Variants in CHST8 observed in about 807,000 individuals in gnomAD.
The protein encoded by CHST8 is GALNAC-4-ST1.
Under a neutral mutation model 15.0 loss-of-function variants are expected in CHST8, and 10 were observed. That is an observed-to-expected ratio of 0.67 (90% CI 0.41 to 1.13). The LOEUF (loss-of-function observed/expected upper bound fraction) is 1.13, where lower values mean the gene tolerates loss of function less well. Ranked by LOEUF, CHST8 falls within the 50% of genes most tolerant of loss-of-function variation. The pLI is 0.00. For missense variants in CHST8, 634 were observed against 608.2 expected, an observed-to-expected ratio of 1.04 and a Z score of -0.45; for synonymous variants, 259 against 256.6, an observed-to-expected ratio of 1.01 and a Z score of -0.09.
At chr19:33,648,902 CT>C (rs376386370) in intron 1 of CHST8, among the ~76,000 whole-genome samples, 9,444 of 99,550 alleles carry the variant, frequency 0.095, 271 homozygotes, top group East Asian at 0.21. Flanking sequence ...GAATGAAGCA[CT>C]TTTTTTTTTT....
At chr19:33,729,656 A>G (rs141242056) in intron 3 of CHST8, among the ~76,000 whole-genome samples, 2 of 152,370 alleles carry the variant, frequency 1.3e-5, no homozygotes, top group East Asian at 3.9e-4. Context: ...TGGCCAAAGC[A>G]TACAGCAAGT....
intron 3 of CHST8, among the ~76,000 whole-genome samples, chr19:33,747,642 A>T (rs1247620676): frequency 1.3e-5 from 2 of 152,146 alleles, no homozygotes; most frequent in Non-Finnish European, 2.9e-5. Context: ...CCCCGGCAGG[A>T]GCAGGAGAGG....
At chr19:33,771,477 C>T (rs1974981914) in intron 4 of CHST8, 27 bp downstream of exon 4, 1 of 1,611,318 alleles carries the variant, frequency 6.2e-7, no homozygotes. Flanking sequence ...AGATAAATCT[C>T]AGTGCACACA....
intron 1 of CHST8, among the ~76,000 whole-genome samples, chr19:33,652,195 C>T (rs1244008089): frequency 6.6e-6 from 1 of 151,908 alleles, no homozygotes; most frequent in Non-Finnish European, 1.5e-5. Context: ...TTTGGCCTTA[C>T]ATTCTATTTT....
At chr19:33,692,634 C>G (rs956648258) in intron 3 of CHST8, among the ~76,000 whole-genome samples, 1 of 152,120 alleles carries the variant, frequency 6.6e-6, no homozygotes, top group African/African-American at 2.4e-5. Context: ...CCCAGGAGGT[C>G]GAGACTGCAG....
intron 1 of CHST8, among the ~76,000 whole-genome samples, chr19:33,625,234 C>T (rs985658374): frequency 5.3e-5 from 8 of 151,978 alleles, no homozygotes; most frequent in Non-Finnish European, 1.2e-4. Context: ...TACAGGCATG[C>T]GCCACCACTC....
At chr19:33,759,941 C>A (rs564639772) in intron 3 of CHST8, among the ~76,000 whole-genome samples, 1 of 152,226 alleles carries the variant, frequency 6.6e-6, no homozygotes, top group South Asian at 2.1e-4. Flanking sequence ...CCAGGCTGCT[C>A]CCCGCTCCCA....
At chr19:33,688,221 T>G (rs1452842587) in intron 2 of CHST8, among the ~76,000 whole-genome samples, 1 of 152,242 alleles carries the variant, frequency 6.6e-6, no homozygotes, top group African/African-American at 2.4e-5. Context: ...TTTGGGCAAA[T>G]GGCCTTGGGG....
intron 2 of CHST8, among the ~76,000 whole-genome samples, chr19:33,676,865 A>G (rs1016122448): frequency 2.0e-5 from 3 of 151,520 alleles, no homozygotes; most frequent in African/African-American, 7.3e-5. Flanking sequence ...TGACAGAGCG[A>G]GACCCAGACT....
At chr19:33,769,429 G>A (rs1353834622) in intron 3 of CHST8, among the ~76,000 whole-genome samples, 3 of 152,192 alleles carry the variant, frequency 2.0e-5, no homozygotes, top group Non-Finnish European at 4.4e-5. Context: ...GTTTAGCAGA[G>A]CCAGCTGCCA....
At chr19:33,627,099 G>GGA (rs905365987) in intron 1 of CHST8, among the ~76,000 whole-genome samples, 5 of 63,944 alleles carry the variant, frequency 7.8e-5, no homozygotes, top group African/African-American at 2.7e-4. Flanking sequence ...CTCTTTTTTT[G>GGA]GGGGGGGGGC....
At chr19:33,690,158 G>T (rs982808039) in intron 3 of CHST8, among the ~76,000 whole-genome samples, 2 of 152,182 alleles carry the variant, frequency 1.3e-5, no homozygotes, top group African/African-American at 4.8e-5. Context: ...TGTCTCAGCA[G>T]TGGCCCCTGT....
In CHST8 at chr19:33,772,374, G is replaced by T. The variant is rs748050381; in HGVS notation, c.586G>T (p.Glu196Ter). Reference protein sequence around the residue: ...VEDRHRVLYCEVPKAGCSNWK... With the variant: ...VEDRHRVLYC ...GGACCGCCACCGCGTGCTCTACTGC[G>T]AGGTGCCCAAGGCCGGCTGCTCCAA... Residue 196 changes from glutamate (E) to a stop codon, truncating the protein, a stop_gained, in exon 5 of 5, where the codon GAG becomes TAG. Coordinates refer to ENST00000650847, the MANE Select transcript of CHST8 (RefSeq NM_001127895.2). LOFTEE classifies it high-confidence loss of function. 1 of 1,608,850 alleles carries T rather than the reference G, an allele frequency of 6.2e-7. No individual in the cohort carries two copies. The highest frequency in any genetic ancestry group is 8.5e-7 in the Non-Finnish European group (1 of 1,179,496).
chr19:33,686,321 T>G (rs796704485), intron 2 of CHST8, among the ~76,000 whole-genome samples: 9 of 151,994 alleles, frequency 5.9e-5, no homozygotes, highest in African/African-American at 2.2e-4. Flanking sequence ...CCCAGGCACA[T>G]GGGTGGCTGG....
chr19:33,625,323 C>T (rs1972037602), intron 1 of CHST8, among the ~76,000 whole-genome samples: 1 of 122,234 alleles, frequency 8.2e-6, no homozygotes, highest in Admixed American at 7.9e-5. Context: ...CCTCGTGATC[C>T]GCCCACCTTG....
chr19:33,769,581 A>G (rs1381132243), intron 3 of CHST8, among the ~76,000 whole-genome samples: 6 of 152,156 alleles, frequency 3.9e-5, no homozygotes, highest in Non-Finnish European at 8.8e-5. Flanking sequence ...GGACAGCTGC[A>G]GTAATGATGG....
intron 1 of CHST8, among the ~76,000 whole-genome samples, chr19:33,649,527 G>A (rs1370964469): frequency 2.6e-5 from 4 of 152,280 alleles, no homozygotes; most frequent in East Asian, 1.9e-4. Flanking sequence ...GGCCAAATAC[G>A]CATATTCAGC....
chr19:33,638,019 A>T (rs994414603), intron 1 of CHST8, among the ~76,000 whole-genome samples: 1 of 151,806 alleles, frequency 6.6e-6, no homozygotes, highest in Non-Finnish European at 1.5e-5. Flanking sequence ...CCCCAAGGAG[A>T]TAGATTTCTT....
intron 2 of CHST8, among the ~76,000 whole-genome samples, chr19:33,685,427 A>G (rs2145251064): frequency 6.7e-6 from 1 of 150,166 alleles, no homozygotes; most frequent in African/African-American, 2.5e-5. Flanking sequence ...CACCAGGAGG[A>G]CTAGGAATTG....
Sources: gnomAD v4.1 joint callset for allele counts (sites outside exome capture counted in the v4.1 genomes callset) on GRCh38, gnomAD v4.1.1 for gene constraint, MANE v1.5 for transcripts, NCBI Gene and HGNC (gene_info 2026-07-23, HGNC 2026-07-21) for gene names.